RNGTT: variants seen among roughly 807,000 people sequenced by gnomAD.
RNGTT encodes mRNA-capping enzyme.
In RNGTT, 33 loss-of-function variants were observed where a neutral mutation model predicts 79.3. That is an observed-to-expected ratio of 0.42 (90% CI 0.32 to 0.56). The LOEUF (loss-of-function observed/expected upper bound fraction) is 0.56, where lower values mean the gene tolerates loss of function less well. Ranked by LOEUF, RNGTT falls within the 20% of genes least tolerant of loss-of-function variation. The pLI, the probability that RNGTT is intolerant of heterozygous loss-of-function variation, is 0.17. For synonymous variants in RNGTT, 222 were observed against 235.9 expected, an observed-to-expected ratio of 0.94 and a Z score of 0.54; for missense variants, 497 against 739.1, an observed-to-expected ratio of 0.67 and a Z score of 3.80.
intron 12 of RNGTT, among the ~76,000 whole-genome samples, chr6:88,796,599 T>C (rs1350654438): frequency 1.3e-5 from 2 of 152,138 alleles, no homozygotes; most frequent in Non-Finnish European, 2.9e-5. Context: ...AATAGAGTAC[T>C]AGAAGCAAAA....
rs536711223 is a variant in RNGTT, at chr6:88,670,798, T to A, written c.1506+7555A>T. 3.9e-5 allele frequency among the ~76,000 whole-genome samples: 6 copies of A among 152,264 alleles called. No individual in the cohort carries two copies. The East Asian group carries it at 1.2e-3, about 29-fold the overall frequency. On this transcript the variant is annotated intron_variant, in intron 14 of 15. Transcript: ENST00000369485. ...ATCATGACCCTTTCACGTGGACCCC[T>A]CAGAGTTGTAAGCTCTTAAAAGGGA...
At chr6:88,962,914 G>T (rs1016445797) in intron 1 of RNGTT, among the ~76,000 whole-genome samples, 1 of 151,956 alleles carries the variant, frequency 6.6e-6, no homozygotes, top group Non-Finnish European at 1.5e-5. Flanking sequence ...ACACCCTCCA[G>T]ATTCCCAGTC....
rs5878082 is a variant in RNGTT at position 88,919,707 on chromosome 6, C to CTTTTTTTT, written c.367+9270_367+9277dup. On this transcript the variant is annotated intron_variant, in intron 4 of 15. Coordinates refer to ENST00000369485, the MANE Select transcript of RNGTT (RefSeq NM_003800.5). ...GATCAGTCTAATTAGGTCAGTAGTT[C>CTTTTTTTT]TTTTTTTTTTTTTTTTTTTTTTTTT... Among the ~76,000 whole-genome samples, 144 of 58,474 alleles carry CTTTTTTTT rather than the reference C, an allele frequency of 2.5e-3. 10 individuals carry two copies. The highest frequency in any genetic ancestry group is 0.012 in the Middle Eastern group (1 of 86). 38.4% of individuals were successfully genotyped at this position (58,474 alleles called of 152,430 possible).
chr6:88,961,070 C>T (rs1311397697), intron 1 of RNGTT, among the ~76,000 whole-genome samples: 1 of 152,146 alleles, frequency 6.6e-6, no homozygotes, highest in African/African-American at 2.4e-5. Flanking sequence ...TCTGGGTGGG[C>T]ACCATCTAAT....
At chr6:88,807,117 A>C (rs566559474) in intron 11 of RNGTT, among the ~76,000 whole-genome samples, 3 of 152,336 alleles carry the variant, frequency 2.0e-5, no homozygotes, top group South Asian at 4.2e-4. Flanking sequence ...GGAGAGCATT[A>C]GGAAGAATAG....
chr6:88,791,911 T>C (rs1779435237), intron 12 of RNGTT, among the ~76,000 whole-genome samples: 1 of 152,148 alleles, frequency 6.6e-6, no homozygotes, highest in Admixed American at 6.5e-5. Flanking sequence ...TCTAAAAATC[T>C]AAAAAATATA....
At position 88,962,627 on chromosome 6, in the gene RNGTT, CG is replaced by C. The variant is rs142583560; in HGVS notation, c.64+718del. 2.6e-5 allele frequency among the ~76,000 whole-genome samples: 4 copies of C among 152,206 alleles called. 1 individual carries two copies. In the South Asian group the frequency reaches 8.3e-4, roughly 32 times the overall value. The stretch of plus-strand genomic sequence containing the variant: ...GTCTCTACTAAAAACAAAAATTAGC[CG>C]GGTGTGGTGGCACGCGCCTGTAATC... On this transcript the variant is annotated intron_variant, in intron 1 of 15. Coordinates refer to ENST00000369485, the MANE Select transcript of RNGTT (RefSeq NM_003800.5).
chr6:88,719,720 C>T (rs143938946), intron 13 of RNGTT, among the ~76,000 whole-genome samples: 245 of 152,220 alleles, frequency 1.6e-3, no homozygotes, highest in Non-Finnish European at 2.8e-3. Context: ...TTTCAATTTG[C>T]ATTTAAAAGA....
chr6:88,667,627 G>A (rs762953053), intron 14 of RNGTT, among the ~76,000 whole-genome samples: 2 of 152,166 alleles, frequency 1.3e-5, no homozygotes, highest in South Asian at 4.1e-4. Context: ...AGCTCGTGAA[G>A]TAACCCGTGT....
intron 12 of RNGTT, among the ~76,000 whole-genome samples, chr6:88,781,347 C>G (rs1301541480): frequency 6.6e-6 from 1 of 152,090 alleles, no homozygotes; most frequent in East Asian, 1.9e-4. Flanking sequence ...TAGTTATCAC[C>G]AGGTTCTACA....
chr6:88,687,497 G>A (rs1310035975), intron 13 of RNGTT, among the ~76,000 whole-genome samples: 1 of 152,200 alleles, frequency 6.6e-6, no homozygotes, highest in Non-Finnish European at 1.5e-5. Flanking sequence ...AGCACTGTTT[G>A]CAGTTGCAAA....
rs368984009 is a variant in RNGTT at position 88,747,546 on chromosome 6, A to G, written c.1439+22228T>C. 4.6e-5 allele frequency among the ~76,000 whole-genome samples: 7 copies of G among 152,196 alleles called. No individual in the cohort carries two copies. In the East Asian group the frequency reaches 1.3e-3, roughly 29 times the overall value. Reference sequence around the variant, plus strand: ...GAGGATCAGAAAAATACTTCTAACCAGAGACCATTAATGGGAGCTTGTGAA... The same window carrying G: ...GAGGATCAGAAAAATACTTCTAACCGGAGACCATTAATGGGAGCTTGTGAA... On this transcript the variant is annotated intron_variant, in intron 13 of 15. Transcript: ENST00000369485.
Position 88,714,690 on chromosome 6 carries a change from C to T in RNGTT, c.1440-36271G>A, listed in dbSNP as rs1268849199. 1.1e-4 allele frequency among the ~76,000 whole-genome samples: 10 copies of T among 89,980 alleles called. 4 individuals carry two copies. The African/African-American group carries it at 1.7e-3, about 15-fold the overall frequency. The allele number at this position is 89,980 out of a possible 152,430, so 59.0% of individuals were successfully genotyped here. ...ATCTCCTGACCTCGTGATCCGCCCG[C>T]CTCGGCCTCCCAAAGTGCTGGGATT... is the stretch of plus-strand genomic sequence containing the variant. On this transcript the variant is annotated intron_variant, in intron 13 of 15. Transcript: ENST00000369485.
At chr6:88,690,460 G>A (rs375510660) in intron 13 of RNGTT, among the ~76,000 whole-genome samples, 3 of 151,864 alleles carry the variant, frequency 2.0e-5, no homozygotes, top group Non-Finnish European at 4.4e-5. Context: ...TAATCCTAGC[G>A]CTTGAGGAGA....
chr6:88,846,398 C>T (rs376113128), intron 10 of RNGTT, among the ~76,000 whole-genome samples: 4 of 152,178 alleles, frequency 2.6e-5, no homozygotes, highest in African/African-American at 9.7e-5. Flanking sequence ...ATCTGGCCCT[C>T]TACTTAACAA....
Position 88,678,157 on chromosome 6 carries a change from C to CAA in RNGTT, c.1506+194_1506+195dup. On this transcript the variant is annotated intron_variant, in intron 14 of 15. Transcript: ENST00000369485. ...ACATGCCACTGAACTTGGCTAATGA[C>CAA]AAAAAATTTTTCTTTTTGTAGAGAC... is the stretch of plus-strand genomic sequence containing the variant. 2.6e-6 allele frequency: 3 copies of CAA among 1,175,032 alleles called. 1 individual carries two copies. The highest frequency in any genetic ancestry group is 1.6e-5 in the African/African-American group (1 of 63,240). 72.8% of individuals were successfully genotyped at this position (1,175,032 alleles called of 1,614,324 possible).
intron 13 of RNGTT, among the ~76,000 whole-genome samples, chr6:88,759,329 T>G (rs552428445): frequency 6.6e-6 from 1 of 152,254 alleles, no homozygotes; most frequent in East Asian, 1.9e-4. Flanking sequence ...CTATCCTGCA[T>G]CCTCCCTACC....
intron 4 of RNGTT, among the ~76,000 whole-genome samples, chr6:88,917,883 T>C (rs1421863833): frequency 1.3e-5 from 2 of 151,958 alleles, no homozygotes; most frequent in African/African-American, 4.8e-5. Context: ...CGAGACACCA[T>C]CTCAAAAAAA....
At chr6:88,908,293 A>G (rs879398383) in intron 4 of RNGTT, among the ~76,000 whole-genome samples, 10 of 152,222 alleles carry the variant, frequency 6.6e-5, no homozygotes, top group South Asian at 6.2e-4. Context: ...GAAAGACATC[A>G]TTAAGAATAT....
Sources: gnomAD v4.1 joint callset for allele counts (sites outside exome capture counted in the v4.1 genomes callset) on GRCh38, gnomAD v4.1.1 for gene constraint, MANE v1.5 for transcripts, NCBI Gene and HGNC (gene_info 2026-07-23, HGNC 2026-07-21) for gene names.